Variants in RPAP2 observed in about 807,000 individuals in gnomAD.
The protein encoded by RPAP2 is RNA polymerase II associated protein 2.
Under a neutral mutation model 73.1 loss-of-function variants are expected in RPAP2, and 52 were observed. That is an observed-to-expected ratio of 0.71 (90% CI 0.57 to 0.90). The LOEUF (loss-of-function observed/expected upper bound fraction) is 0.90. Among genes scored for constraint, RPAP2 ranks in the 40% least tolerant of loss-of-function variants. RPAP2 has a pLI of 0.00. For missense variants in RPAP2, 598 were observed against 701.8 expected (o/e 0.85, Z 1.67); for synonymous variants, 225 against 242.1 (o/e 0.93, Z 0.65).
intron 7 of RPAP2, among the ~76,000 whole-genome samples, chr1:92,322,292 CCCAGCAGTTTGGGAGG>C (rs1258488436): frequency 6.6e-6 from 1 of 151,646 alleles, no homozygotes; most frequent in East Asian, 2.0e-4. Flanking sequence ...AGCCAGTAAT[CCCAGCAGTTTGGGAGG>C]CCAAGACAGG....
At chr1:92,313,443 C>CTTT (rs35793049) in intron 6 of RPAP2, among the ~76,000 whole-genome samples, 5 of 145,034 alleles carry the variant, frequency 3.4e-5, no homozygotes, top group Admixed American at 6.9e-5. Context: ...GGAAAGGAAT[C>CTTT]TTTTTTTTTT....
At chr1:92,306,044 A>T (rs541771218) in intron 5 of RPAP2, among the ~76,000 whole-genome samples, 60 of 152,316 alleles carry the variant, frequency 3.9e-4, no homozygotes, top group African/African-American at 1.4e-3. Context: ...ATTAGCCTTT[A>T]AAAAAAGGAA....
chr1:92,358,186 T>C (rs1654577842), intron 11 of RPAP2, among the ~76,000 whole-genome samples: 1 of 152,222 alleles, frequency 6.6e-6, no homozygotes, highest in Non-Finnish European at 1.5e-5. Context: ...AAAAACTTTT[T>C]ATTGTGGCCT....
chr1:92,303,458 C>T (rs961717833), intron 3 of RPAP2, among the ~76,000 whole-genome samples: 13 of 152,136 alleles, frequency 8.5e-5, no homozygotes, highest in Admixed American at 4.6e-4. Context: ...TTATAACCAT[C>T]ACCTCACCAC....
Position 92,393,854 on chromosome 1 carries a change from T to G in RPAP2, c.*6843T>G, listed in dbSNP as rs958101392. The stretch of plus-strand genomic sequence containing the variant: ...GATGCTGGAGAGGTTGTGGAAAAAT[T>G]GGAACGCTTTTACACTGTTGGTGGG... On this transcript the variant is annotated 3_prime_UTR_variant, in exon 13 of 13. Coordinates refer to ENST00000610020, the MANE Select transcript of RPAP2 (RefSeq NM_024813.3). The G allele has an allele frequency of 6.6e-6, 1 of 152,124 alleles. No homozygotes were observed. Among genetic ancestry groups the G allele is most frequent in the African/African-American group, 2.4e-5 (1 of 41,446 alleles). 9.4% of individuals were successfully genotyped at this position (152,124 alleles called of 1,614,324 possible). A position where few individuals can be genotyped will look rare whatever the true frequency, so the allele number is the denominator to read the frequency against.
At chr1:92,305,450 A>AAAAAAAC (rs1202528088) in intron 5 of RPAP2, among the ~76,000 whole-genome samples, 2 of 141,908 alleles carry the variant, frequency 1.4e-5, no homozygotes, top group African/African-American at 5.9e-5. Context: ...AAAAAAAAAA[A>AAAAAAAC]AGACAATATG....
Position 92,302,330 on chromosome 1 carries a change from G to GA in RPAP2, c.234+753dup, listed in dbSNP as rs777891331. ...AAAAAAGAAAAATGAGGATGGGGGA[G>GA]AAAAAAAAAAAAAGAAAAAGCAAAT... On this transcript the variant is annotated intron_variant, in intron 3 of 12. Transcript: ENST00000610020. 9.3e-4 allele frequency among the ~76,000 whole-genome samples: 123 copies of GA among 132,162 alleles called. 1 individual carries two copies. The highest frequency in any genetic ancestry group is 2.3e-3 in the African/African-American group (85 of 36,822). 86.7% of individuals were successfully genotyped at this position (132,162 alleles called of 152,430 possible). A position where few individuals can be genotyped will look rare whatever the true frequency, so the allele number is the denominator to read the frequency against.
rs1656015647 is a variant in RPAP2, at chr1:92,390,799, G to A, written c.*3788G>A. 1 of 152,062 alleles carries A rather than the reference G, an allele frequency of 6.6e-6. No individual in the cohort carries two copies. Among genetic ancestry groups the A allele is most frequent in the African/African-American group, 2.4e-5 (1 of 41,394 alleles). 9.4% of individuals were successfully genotyped at this position (152,062 alleles called of 1,614,324 possible). ...AACAAAGATCAAAAGAGACAAAGAA[G>A]GTCATTACATAATGGTAAAGGGATC... On this transcript the variant is annotated 3_prime_UTR_variant, in exon 13 of 13. Coordinates refer to ENST00000610020, the MANE Select transcript of RPAP2 (RefSeq NM_024813.3).
chr1:92,345,991 T>C (rs1177399771), intron 11 of RPAP2, 77 bp downstream of exon 11: 2 of 1,038,504 alleles, frequency 1.9e-6, no homozygotes, highest in East Asian at 2.4e-5. Context: ...AGTGATCCAC[T>C]GATTTTGTAA....
At chr1:92,372,157 A>C (rs546831155) in intron 11 of RPAP2, among the ~76,000 whole-genome samples, 7 of 152,192 alleles carry the variant, frequency 4.6e-5, no homozygotes, top group Non-Finnish European at 8.8e-5. Flanking sequence ...CTTTATGTAG[A>C]TACCCTAAAT....
At chr1:92,300,317 G>T in intron 2 of RPAP2, 78 bp downstream of exon 2, 5 of 1,164,128 alleles carry the variant, frequency 4.3e-6, no homozygotes, top group South Asian at 2.7e-5. Context: ...AAACAATAAT[G>T]GTTACCTTTT....
intron 7 of RPAP2, among the ~76,000 whole-genome samples, chr1:92,322,981 T>C (rs555393509): frequency 6.8e-6 from 1 of 147,332 alleles, no homozygotes; most frequent in African/African-American, 2.5e-5. Context: ...CAAGTATATA[T>C]TATATATGTA....
rs773000674 is a variant in RPAP2 at position 92,380,860 on chromosome 1, T to G, written c.1825T>G (p.Cys609Gly). ...TCTAACCATCATATTTAGAACCAGC[T>G]GTTTACCAGAGTGGTAAGTTGGATT... ...ESLTIIFRTS[C>G]LPE The change falls in exon 12 of 13, where the codon TGT (cysteine) becomes GGT (glycine). Residue 609 changes from cysteine (C) to glycine (G), a missense_variant. By Grantham distance (159) the Cys-to-Gly change is radical (BLOSUM62 -3). Transcript: ENST00000610020. 3.8e-6 allele frequency: 6 copies of G among 1,577,660 alleles called. No individual in the cohort carries two copies. The South Asian group carries it at 7.1e-5, about 19-fold the overall frequency.
chr1:92,378,426 G>A (rs967211170), intron 11 of RPAP2, among the ~76,000 whole-genome samples: 6 of 151,980 alleles, frequency 3.9e-5, no homozygotes, highest in Non-Finnish European at 8.8e-5. Context: ...TGTTGGCCAG[G>A]CTGGTTTTGA....
chr1:92,364,448 C>T (rs546123410), intron 11 of RPAP2, among the ~76,000 whole-genome samples: 1 of 152,212 alleles, frequency 6.6e-6, no homozygotes, highest in African/African-American at 2.4e-5. Flanking sequence ...TGTTTCTCCC[C>T]CCAAAATGGT....
At chr1:92,305,758 A>C (rs1355530556) in intron 5 of RPAP2, among the ~76,000 whole-genome samples, 2 of 152,222 alleles carry the variant, frequency 1.3e-5, no homozygotes, top group Non-Finnish European at 2.9e-5. Context: ...TAATCAGAGA[A>C]ATAGCAAATA....
chr1:92,317,950 T>G (rs576124556), intron 6 of RPAP2, among the ~76,000 whole-genome samples: 3 of 152,332 alleles, frequency 2.0e-5, no homozygotes, highest in Non-Finnish European at 4.4e-5. Context: ...CTTCAAGATC[T>G]TGAAATAAGA....
intron 6 of RPAP2, among the ~76,000 whole-genome samples, chr1:92,314,565 C>T (rs1267040018): frequency 1.3e-5 from 2 of 151,788 alleles, no homozygotes; most frequent in Non-Finnish European, 2.9e-5. Context: ...GCCTGGCCAA[C>T]AGGGTGAAAC....
At position 92,323,745 on chromosome 1, in the gene RPAP2, C is replaced by T. The variant is rs749859801; in HGVS notation, c.825C>T (p.Gly275=). 49 of 1,613,932 alleles carry T rather than the reference C, an allele frequency of 3.0e-5. No homozygotes were observed. In the South Asian group the frequency reaches 4.2e-4, roughly 14 times the overall value. ...QTVVDVTEQL[G]DCKLDSQEKD... ...TAGTAGATGTCACTGAGCAGTTAGGCGATTGCAAATTAGATAGTCAGGAGA... is the reference window on the plus strand; with the variant it reads ...TAGTAGATGTCACTGAGCAGTTAGGTGATTGCAAATTAGATAGTCAGGAGA... Residue 275 remains glycine (G), a synonymous_variant, in exon 8 of 13, where the codon GGC becomes GGT. Transcript: ENST00000610020.
Sources: gnomAD v4.1 joint callset for allele counts (sites outside exome capture counted in the v4.1 genomes callset) on GRCh38, gnomAD v4.1.1 for gene constraint, MANE v1.5 for transcripts, NCBI Gene and HGNC (gene_info 2026-07-23, HGNC 2026-07-21) for gene names.